The following PRKCA variants were observed in gnomAD, a reference collection of about 807,000 sequenced individuals.
PRKCA encodes the protein protein kinase C alpha.
In PRKCA, 27 loss-of-function variants were observed where a neutral mutation model predicts 87.0. That is an observed-to-expected ratio of 0.31 (90% CI 0.23 to 0.43). The LOEUF (loss-of-function observed/expected upper bound fraction) is 0.43, where lower values mean the gene tolerates loss of function less well. PRKCA is among the 20% of genes least tolerant of loss of function. The probability of loss-of-function intolerance (pLI) is 1.00; values close to 1 mark genes in which losing one functional copy is unlikely to be tolerated. For synonymous variants in PRKCA, 329 were observed against 311.1 expected (o/e 1.06, Z -0.61); for missense variants, 518 against 852.3 (o/e 0.61, Z 4.88).
intron 16 of PRKCA, among the ~76,000 whole-genome samples, chr17:66,797,730 C>T (rs182993083): frequency 7.3e-4 from 111 of 152,312 alleles, no homozygotes; most frequent in Non-Finnish European, 1.2e-3. Context: ...CCTTGGGTGC[C>T]GACATCGCCT....
intron 3 of PRKCA, among the ~76,000 whole-genome samples, chr17:66,614,611 G>A (rs227912): frequency 0.76 from 115,306 of 152,088 alleles, 44,020 homozygotes; most frequent in South Asian, 0.89. Flanking sequence ...AAACTACATG[G>A]GCCTCAGTTT....
At chr17:66,675,162 C>T (rs1159032461) in intron 5 of PRKCA, among the ~76,000 whole-genome samples, 2 of 152,192 alleles carry the variant, frequency 1.3e-5, no homozygotes, top group Non-Finnish European at 2.9e-5. Context: ...AGGCTGGAGA[C>T]TCCAAGTTCA....
chr17:66,754,667 C>T (rs989873021), intron 13 of PRKCA, among the ~76,000 whole-genome samples: 10 of 152,002 alleles, frequency 6.6e-5, no homozygotes, highest in East Asian at 1.9e-4. Context: ...ATTTCTTTGA[C>T]GTAACAAGAA....
intron 3 of PRKCA, among the ~76,000 whole-genome samples, chr17:66,508,291 T>G (rs17698922): frequency 0.04 from 6,160 of 152,330 alleles, 182 homozygotes; most frequent in Non-Finnish European, 0.058. Flanking sequence ...ATCTAGCACA[T>G]TCCAAAACAT....
At chr17:66,802,417 C>A (rs1400798257) in intron 16 of PRKCA, among the ~76,000 whole-genome samples, 1 of 151,428 alleles carries the variant, frequency 6.6e-6, no homozygotes, top group African/African-American at 2.4e-5. Context: ...CCCAGCTACT[C>A]GGGAGGCTGA....
In PRKCA at chr17:66,594,369, C is replaced by G. The variant is rs558320874; in HGVS notation, c.289-46986C>G. Among the ~76,000 whole-genome samples, 3 of 152,204 alleles carry G rather than the reference C, an allele frequency of 2.0e-5. No homozygotes were observed. The East Asian group carries it at 5.8e-4, about 29-fold the overall frequency. Reference sequence around the variant, plus strand: ...GAGCCTAAATTTACCAACTTTCGGCCCCTGCTTGATGATGCTCAACAGAAC... The same window carrying G: ...GAGCCTAAATTTACCAACTTTCGGCGCCTGCTTGATGATGCTCAACAGAAC... On this transcript the variant is annotated intron_variant, in intron 3 of 16. Coordinates refer to ENST00000413366, the MANE Select transcript of PRKCA (RefSeq NM_002737.3).
At chr17:66,682,233 A>G (rs1022776396) in intron 5 of PRKCA, among the ~76,000 whole-genome samples, 10 of 152,358 alleles carry the variant, frequency 6.6e-5, no homozygotes, top group Admixed American at 5.2e-4. Context: ...GACAGGTTAC[A>G]TGATCAGGAA....
At chr17:66,412,875 A>G (rs1911896429) in intron 2 of PRKCA, 1 of 152,348 alleles carries the variant, frequency 6.6e-6, no homozygotes, top group Admixed American at 6.5e-5. Flanking sequence ...TCCGTTCCCC[A>G]GCAGATACCA....
rs1295874707 is a variant in PRKCA at position 66,688,051 on chromosome 17, CAGATAG to C, written c.687-250_687-245del. ...AAAGGAGCCATAGGCAATATGTAAA[CAGATAG>C]CCATGGCTGGGTCCTAATAAAACTT... On this transcript the variant is annotated intron_variant, in intron 6 of 16. Transcript: ENST00000413366. 2.0e-5 allele frequency among the ~76,000 whole-genome samples: 3 copies of C among 152,276 alleles called. No homozygotes were observed. The East Asian group carries it at 5.8e-4, about 29-fold the overall frequency.
At position 66,660,778 on chromosome 17, in the gene PRKCA, G is replaced by A. The variant is rs141979391; in HGVS notation, c.529+15267G>A. On this transcript the variant is annotated intron_variant, in intron 5 of 16. Coordinates refer to ENST00000413366, the MANE Select transcript of PRKCA (RefSeq NM_002737.3). The stretch of plus-strand genomic sequence containing the variant: ...CAAAAAATTAGCCGGGTGTGGTGGC[G>A]GGCGCCTGTAGTCCCAGCTACTCGG... 5.2e-3 allele frequency among the ~76,000 whole-genome samples: 789 copies of A among 152,022 alleles called. 10 individuals are homozygous for A. Among genetic ancestry groups the A allele is most frequent in the African/African-American group, 0.016 (670 of 41,474 alleles).
intron 3 of PRKCA, among the ~76,000 whole-genome samples, chr17:66,635,846 G>A (rs149717007): frequency 3.5e-4 from 54 of 152,226 alleles, no homozygotes; most frequent in African/African-American, 1.3e-3. Flanking sequence ...CAAATGTGCC[G>A]TGGTTATGTA....
intron 2 of PRKCA, among the ~76,000 whole-genome samples, chr17:66,474,196 C>A (rs1915443148): frequency 6.8e-6 from 1 of 147,854 alleles, no homozygotes; most frequent in Admixed American, 6.8e-5. Flanking sequence ...ACCTATTCTT[C>A]TGCAGCAACA....
At chr17:66,321,702 C>G (rs2143216757) in intron 2 of PRKCA, among the ~76,000 whole-genome samples, 1 of 152,254 alleles carries the variant, frequency 6.6e-6, no homozygotes, top group African/African-American at 2.4e-5. Context: ...CACCACTGCA[C>G]TTGGCTAATT....
chr17:66,428,143 C>T (rs990772921), intron 2 of PRKCA, among the ~76,000 whole-genome samples: 1 of 152,126 alleles, frequency 6.6e-6, no homozygotes, highest in East Asian at 1.9e-4. Flanking sequence ...TGATTCACTT[C>T]GATTCCACTC....
chr17:66,767,936 T>C (rs902408333), intron 13 of PRKCA, among the ~76,000 whole-genome samples: 1 of 152,182 alleles, frequency 6.6e-6, no homozygotes, highest in African/African-American at 2.4e-5. Context: ...TGATAGCCTA[T>C]TAAGCGTCTT....
At chr17:66,546,816 T>C (rs998786953) in intron 3 of PRKCA, among the ~76,000 whole-genome samples, 5 of 152,244 alleles carry the variant, frequency 3.3e-5, no homozygotes, top group Admixed American at 2.6e-4. Context: ...TTGTTTTGTT[T>C]TGTTTGTGGT....
intron 2 of PRKCA, among the ~76,000 whole-genome samples, chr17:66,477,704 CA>C (rs1364277543): frequency 1.3e-5 from 2 of 152,096 alleles, no homozygotes; most frequent in South Asian, 2.1e-4. Flanking sequence ...CGTCTCAAAA[CA>C]AAAAACAAAC....
At chr17:66,392,058 G>A (rs547333586) in intron 2 of PRKCA, among the ~76,000 whole-genome samples, 73 of 152,134 alleles carry the variant, frequency 4.8e-4, no homozygotes, top group Admixed American at 1.3e-3. Context: ...GTGAAACCCC[G>A]TGTCTACTAA....
chr17:66,408,891 A>C (rs1400711172), intron 2 of PRKCA, among the ~76,000 whole-genome samples: 2 of 151,928 alleles, frequency 1.3e-5, no homozygotes, highest in East Asian at 1.9e-4. Context: ...GTCTCTACTA[A>C]AAATACAAAA....
Sources: allele counts gnomAD v4.1 joint callset (sites outside exome capture counted in the v4.1 genomes callset), GRCh38; gene constraint gnomAD v4.1.1; transcripts MANE v1.5; gene names NCBI Gene and HGNC (gene_info 2026-07-23, HGNC 2026-07-21).